The following LDLRAD3 variants were observed in gnomAD, a reference collection of about 807,000 sequenced individuals.
LDLRAD3 encodes the protein low-density lipoprotein receptor class A domain-containing protein 3.
A neutral mutation model predicts 29.4 loss-of-function variants in LDLRAD3; 20 were observed. That is an observed-to-expected ratio of 0.68 (90% CI 0.48 to 0.99). LDLRAD3 has a LOEUF of 0.99. Among genes scored for constraint, LDLRAD3 ranks in the 50% least tolerant of loss-of-function variants. The pLI is 0.00. For synonymous variants in LDLRAD3, 157 were observed against 192.7 expected, an observed-to-expected ratio of 0.81 and a Z score of 1.53; for missense variants, 420 against 454.3, an observed-to-expected ratio of 0.92 and a Z score of 0.69.
chr11:36,117,177 A>T (rs1283665116), intron 4 of LDLRAD3, among the ~76,000 whole-genome samples: 1 of 152,102 alleles, frequency 6.6e-6, no homozygotes, highest in Admixed American at 6.5e-5. Context: ...AATCATTTAG[A>T]GCAAAAGTTG....
intron 2 of LDLRAD3, among the ~76,000 whole-genome samples, chr11:36,047,487 G>T (rs75005033): frequency 0.093 from 14,202 of 152,108 alleles, 897 homozygotes; most frequent in Admixed American, 0.15. Context: ...TAAAATAGTA[G>T]CATGCTTTGC....
chr11:36,199,118 T>C (rs1196696702), intron 4 of LDLRAD3, among the ~76,000 whole-genome samples: 3 of 152,264 alleles, frequency 2.0e-5, no homozygotes, highest in Admixed American at 2.0e-4. Context: ...GCCAGGATGG[T>C]CTTGATCTCC....
intron 2 of LDLRAD3, among the ~76,000 whole-genome samples, chr11:36,057,055 A>G (rs1406073302): frequency 6.6e-6 from 1 of 152,088 alleles, no homozygotes; most frequent in Non-Finnish European, 1.5e-5. Context: ...AGAGTTTATG[A>G]TTTTCAGGGA....
chr11:36,065,329 C>G (rs1175099772), intron 2 of LDLRAD3, among the ~76,000 whole-genome samples: 2 of 152,156 alleles, frequency 1.3e-5, no homozygotes, highest in Non-Finnish European at 2.9e-5. Flanking sequence ...AGTATAGCCA[C>G]TTATACTCTC....
intron 4 of LDLRAD3, among the ~76,000 whole-genome samples, chr11:36,159,164 C>T (rs906208097): frequency 1.3e-5 from 2 of 152,150 alleles, no homozygotes; most frequent in African/African-American, 4.8e-5. Context: ...TACATGTTGA[C>T]AATTCCATTG....
intron 2 of LDLRAD3, among the ~76,000 whole-genome samples, chr11:36,079,295 C>T (rs1853071910): frequency 6.6e-6 from 1 of 152,336 alleles, no homozygotes; most frequent in Non-Finnish European, 1.5e-5. Flanking sequence ...GCTTTCTAAA[C>T]TTTGGTCATC....
intron 3 of LDLRAD3, among the ~76,000 whole-genome samples, chr11:36,086,483 C>T (rs188641258): frequency 2.0e-5 from 3 of 152,300 alleles, no homozygotes; most frequent in East Asian, 1.9e-4. Flanking sequence ...ATCGTTTTCA[C>T]GCTGTTTTTG....
chr11:36,098,108 A>G (rs938670478), intron 3 of LDLRAD3, among the ~76,000 whole-genome samples: 6 of 152,154 alleles, frequency 3.9e-5, no homozygotes, highest in Non-Finnish European at 7.4e-5. Flanking sequence ...AGAGTGGCAG[A>G]TCTCTCCAAA....
intron 4 of LDLRAD3, among the ~76,000 whole-genome samples, chr11:36,138,197 C>A (rs111512454): frequency 1.2e-4 from 18 of 152,176 alleles, no homozygotes; most frequent in African/African-American, 4.1e-4. Flanking sequence ...GGGTTCAAAT[C>A]CTGACTCTCA....
intron 4 of LDLRAD3, among the ~76,000 whole-genome samples, chr11:36,156,801 A>G (rs2133333371): frequency 6.6e-6 from 1 of 152,298 alleles, no homozygotes; most frequent in East Asian, 1.9e-4. Flanking sequence ...GATTTGTAAC[A>G]TTTCAGAAGG....
chr11:36,050,315 A>T (rs60207450), intron 2 of LDLRAD3, among the ~76,000 whole-genome samples: 12,506 of 152,220 alleles, frequency 0.082, 843 homozygotes, highest in African/African-American at 0.16. Flanking sequence ...ACTCTGCTGC[A>T]TGTCTGTAGA....
intron 4 of LDLRAD3, among the ~76,000 whole-genome samples, chr11:36,185,542 A>G (rs1366862966): frequency 6.6e-6 from 1 of 152,134 alleles, no homozygotes; most frequent in Non-Finnish European, 1.5e-5. Flanking sequence ...GAGACTGATA[A>G]ATGAGAGCTG....
chr11:36,068,870 T>C (rs17799503), intron 2 of LDLRAD3, among the ~76,000 whole-genome samples: 15,591 of 152,214 alleles, frequency 0.1, 1,038 homozygotes, highest in Admixed American at 0.16. Context: ...AACCCTAGGC[T>C]GTAGACCTCC....
chr11:35,990,667 C>T (rs11033364), intron 1 of LDLRAD3, among the ~76,000 whole-genome samples: 53,933 of 151,660 alleles, frequency 0.36, 10,307 homozygotes, highest in East Asian at 0.56. Context: ...CTGCCTGCCT[C>T]GGCCTCCCAA....
chr11:36,191,576 C>CTCTCTCTCTCTATA (rs377747518), intron 4 of LDLRAD3, among the ~76,000 whole-genome samples: 33 of 53,410 alleles, frequency 6.2e-4, no homozygotes, highest in Admixed American at 8.2e-4. Context: ...CTCTCTCTCT[C>CTCTCTCTCTCTATA]TATATATATA....
rs542886732 is a variant in LDLRAD3, at chr11:36,066,011, G to A, written c.194-15642G>A. On this transcript the variant is annotated intron_variant, in intron 2 of 5. Transcript: ENST00000315571. ...CTAGGAGCCAAGGGGATGGGAGAGG[G>A]TGGAGGCTCTGAAAAGTAAACCCTT... Among the ~76,000 whole-genome samples the A allele has an allele frequency of 2.0e-5, 3 of 152,282 alleles. 1 individual carries two copies. In the South Asian group the frequency reaches 6.2e-4, roughly 32 times the overall value.
intron 2 of LDLRAD3, among the ~76,000 whole-genome samples, chr11:36,053,084 G>C (rs545306691): frequency 1.3e-5 from 2 of 152,148 alleles, no homozygotes; most frequent in African/African-American, 4.8e-5. Context: ...TGGGGGCTTG[G>C]AGCATGGACT....
chr11:36,112,048 CT>C (rs1283152178), intron 4 of LDLRAD3, among the ~76,000 whole-genome samples: 1 of 152,170 alleles, frequency 6.6e-6, no homozygotes, highest in African/African-American at 2.4e-5. Context: ...TATTGAAACC[CT>C]CCTTTTTTTC....
chr11:35,993,894 T>C (rs1353598798), intron 1 of LDLRAD3, among the ~76,000 whole-genome samples: 1 of 152,156 alleles, frequency 6.6e-6, no homozygotes, highest in African/African-American at 2.4e-5. Flanking sequence ...TCTACCTCCT[T>C]AGTTAATTAT....
Sources: allele counts gnomAD v4.1 joint callset (sites outside exome capture counted in the v4.1 genomes callset), GRCh38; gene constraint gnomAD v4.1.1; transcripts MANE v1.5; gene names NCBI Gene and HGNC (gene_info 2026-07-23, HGNC 2026-07-21).